GPBP1L1: variants seen among roughly 807,000 people sequenced by gnomAD.
GPBP1L1 encodes the protein vasculin-like protein 1.
A neutral mutation model predicts 52.5 loss-of-function variants in GPBP1L1; 23 were observed. That is an observed-to-expected ratio of 0.44 (90% CI 0.32 to 0.62). The LOEUF is 0.62. GPBP1L1 is among the 20% of genes least tolerant of loss of function. The pLI is 0.06. For synonymous variants in GPBP1L1, 243 were observed against 203.1 expected, an observed-to-expected ratio of 1.20 and a Z score of -1.67; for missense variants, 596 against 579.3, an observed-to-expected ratio of 1.03 and a Z score of -0.30.
At position 45,674,140 on chromosome 1, in the gene GPBP1L1, C is replaced by G. The variant is rs181453494; in HGVS notation, c.-1098+11436G>C. On this transcript the variant is annotated intron_variant, in intron 2 of 12. Transcript: ENST00000355105. ...AATGGCTTACACTGTTTACATGTTCCTTAGCAAAACCCATCTTAAATCCCC... is the reference window on the plus strand; with the variant it reads ...AATGGCTTACACTGTTTACATGTTCGTTAGCAAAACCCATCTTAAATCCCC... Among the ~76,000 whole-genome samples the G allele has an allele frequency of 5.8e-4, 88 of 152,294 alleles. 2 individuals carry two copies. The highest frequency in any genetic ancestry group is 5.8e-3 in the Admixed American group (88 of 15,294).
At chr1:45,633,029 G>A (rs1022770199) in intron 10 of GPBP1L1, among the ~76,000 whole-genome samples, 1 of 152,210 alleles carries the variant, frequency 6.6e-6, no homozygotes, top group Non-Finnish European at 1.5e-5. Flanking sequence ...GTGAGGAGGT[G>A]TAGCAACAGA....
chr1:45,688,086 A>T (rs1645311792), upstream of GPBP1L1: 1 of 152,180 alleles, frequency 6.6e-6, no homozygotes, highest in African/African-American at 2.4e-5. Flanking sequence ...GCCCCCAAAC[A>T]GAAAGCCGGG....
intron 6 of GPBP1L1, among the ~76,000 whole-genome samples, chr1:45,653,390 T>C (rs993733821): frequency 6.6e-5 from 10 of 152,118 alleles, no homozygotes; most frequent in Admixed American, 5.2e-4. Flanking sequence ...AAAAATTAGC[T>C]GGGCGTGGTG....
intron 2 of GPBP1L1, among the ~76,000 whole-genome samples, chr1:45,672,697 G>A (rs74526250): frequency 0.011 from 1,609 of 152,276 alleles, 29 homozygotes; most frequent in African/African-American, 0.037. Flanking sequence ...CGTAAAAAGA[G>A]ATGGAACCTT....
At chr1:45,671,850 T>C (rs1645077178) in intron 2 of GPBP1L1, among the ~76,000 whole-genome samples, 1 of 151,672 alleles carries the variant, frequency 6.6e-6, no homozygotes, top group South Asian at 2.1e-4. Context: ...AATAAATAAA[T>C]AAATAATTTT....
At position 45,640,372 on chromosome 1, in the gene GPBP1L1, C is replaced by A; in HGVS notation, c.582G>T (p.Lys194Asn). 6.2e-7 allele frequency: 1 copy of A among 1,614,066 alleles called. No individual in the cohort carries two copies. Among genetic ancestry groups the A allele is most frequent in the South Asian group, 1.1e-5 (1 of 91,076 alleles). The change falls in exon 8 of 13, where the codon AAG becomes AAT. Residue 194 changes from lysine to asparagine, a missense_variant. Coordinates refer to ENST00000355105, the MANE Select transcript of GPBP1L1 (RefSeq NM_021639.5). ...ENPPSAKQPS[K>N]MLVIKKVSKE... is the part of the protein sequence containing the mutation. Reference sequence around the variant, plus strand: ...TGGAAACTTTTTTGATAACTAGCATCTTGGAGGGTTGCTTGGCACTAGGCG... The same window carrying A: ...TGGAAACTTTTTTGATAACTAGCATATTGGAGGGTTGCTTGGCACTAGGCG...
intron 2 of GPBP1L1, among the ~76,000 whole-genome samples, chr1:45,674,396 T>C (rs781197923): frequency 2.6e-5 from 4 of 152,180 alleles, no homozygotes; most frequent in Non-Finnish European, 5.9e-5. Context: ...CAATCTTACA[T>C]TGATAATATT....
intron 2 of GPBP1L1, among the ~76,000 whole-genome samples, chr1:45,670,722 T>G (rs929019342): frequency 3.9e-5 from 6 of 152,080 alleles, no homozygotes; most frequent in Non-Finnish European, 5.9e-5. Context: ...TATATATGTA[T>G]GCAACTGCTT....
intron 8 of GPBP1L1, chr1:45,635,107 T>C (rs925208863): frequency 6.6e-5 from 10 of 152,216 alleles, no homozygotes; most frequent in Admixed American, 1.3e-4. Flanking sequence ...CTATCTACCA[T>C]GTACCAGGTG....
chr1:45,630,163 C>G (rs1262773656), intron 11 of GPBP1L1, among the ~76,000 whole-genome samples: 1 of 152,164 alleles, frequency 6.6e-6, no homozygotes, highest in East Asian at 1.9e-4. Context: ...GTTGGCCAAG[C>G]TGGTCTCAAA....
chr1:45,645,030 A>G (rs1054110440), intron 6 of GPBP1L1, among the ~76,000 whole-genome samples: 1 of 152,172 alleles, frequency 6.6e-6, no homozygotes, highest in African/African-American at 2.4e-5. Flanking sequence ...ATTATTATTA[A>G]TTGATGCATA....
intron 8 of GPBP1L1, among the ~76,000 whole-genome samples, chr1:45,638,737 C>G (rs1182167384): frequency 6.6e-6 from 1 of 152,040 alleles, no homozygotes; most frequent in Admixed American, 6.6e-5. Context: ...CCCAGAAGTT[C>G]GAGACCAGCC....
intron 8 of GPBP1L1, chr1:45,635,063 C>T (rs1279801048): frequency 6.6e-6 from 1 of 152,112 alleles, no homozygotes; most frequent in African/African-American, 2.4e-5. Flanking sequence ...TAAAAGAAGA[C>T]ACAATAATAG....
chr1:45,672,885 T>C (rs768279483), intron 2 of GPBP1L1, among the ~76,000 whole-genome samples: 1 of 152,234 alleles, frequency 6.6e-6, no homozygotes. Flanking sequence ...AGTGATGATG[T>C]TGGATAGGGG....
At chr1:45,651,739 C>A in intron 6 of GPBP1L1, 1 of 380,668 alleles carries the variant, frequency 2.6e-6, no homozygotes, top group South Asian at 5.0e-5. Flanking sequence ...TCTTAAATAG[C>A]GGATTCACCA....
intron 2 of GPBP1L1, among the ~76,000 whole-genome samples, chr1:45,674,050 C>T (rs189799749): frequency 3.8e-4 from 57 of 151,346 alleles, no homozygotes; most frequent in Admixed American, 3.3e-3. Context: ...TGCACTCCAG[C>T]CTGTGTGAAA....
Position 45,664,439 on chromosome 1 carries a change from G to A in GPBP1L1, c.-1097-3214C>T, listed in dbSNP as rs376395152. On this transcript the variant is annotated intron_variant, in intron 2 of 12. Coordinates refer to ENST00000355105, the MANE Select transcript of GPBP1L1 (RefSeq NM_021639.5). ...AAATTAGCTGGGCGTGGTGGTGGGC[G>A]CATGTAGTTCCAGCTACTACGGAGG... 1.2e-4 allele frequency among the ~76,000 whole-genome samples: 18 copies of A among 152,056 alleles called. No homozygotes were observed. In the East Asian group the frequency reaches 2.1e-3, roughly 18 times the overall value.
At chr1:45,669,327 G>A (rs545379579) in intron 2 of GPBP1L1, among the ~76,000 whole-genome samples, 262 of 152,280 alleles carry the variant, frequency 1.7e-3, no homozygotes, top group Non-Finnish European at 2.3e-3. Context: ...CACCAACAGT[G>A]GTGCTAGAGA....
chr1:45,649,589 A>C (rs1644795533), intron 6 of GPBP1L1, among the ~76,000 whole-genome samples: 1 of 152,146 alleles, frequency 6.6e-6, no homozygotes, highest in Non-Finnish European at 1.5e-5. Context: ...TCTGGAAGGA[A>C]TGTTACAGAG....
Sources: gnomAD v4.1 joint callset for allele counts (sites outside exome capture counted in the v4.1 genomes callset) on GRCh38, gnomAD v4.1.1 for gene constraint, MANE v1.5 for transcripts, NCBI Gene and HGNC (gene_info 2026-07-23, HGNC 2026-07-21) for gene names.